The following RNF111 variants were observed in gnomAD, a reference collection of about 807,000 sequenced individuals.
RNF111 encodes E3 ubiquitin-protein ligase Arkadia.
A neutral mutation model predicts 95.1 loss-of-function variants in RNF111; 17 were observed. That is an observed-to-expected ratio of 0.18 (90% confidence interval 0.12 to 0.27). The LOEUF (loss-of-function observed/expected upper bound fraction) is 0.27. Among genes scored for constraint, RNF111 ranks in the 10% least tolerant of loss-of-function variants. The pLI is 1.00. For missense variants in RNF111, 1,189 were observed against 1,210.4 expected (o/e 0.98, Z 0.26); for synonymous variants, 440 against 414.8 (o/e 1.06, Z -0.74).
chr15:59,042,999 A>G (rs1198480940), intron 2 of RNF111, among the ~76,000 whole-genome samples: 1 of 152,132 alleles, frequency 6.6e-6, no homozygotes, highest in Non-Finnish European at 1.5e-5. Context: ...GAGTCCTTGT[A>G]TTCCAGAATA....
At chr15:58,998,726 G>C (rs2039194160) in intron 1 of RNF111, among the ~76,000 whole-genome samples, 2 of 152,164 alleles carry the variant, frequency 1.3e-5, no homozygotes, top group Non-Finnish European at 2.9e-5. Context: ...AAACTTTCAA[G>C]CAAAAATTAG....
intron 3 of RNF111, among the ~76,000 whole-genome samples, chr15:59,054,376 C>G (rs751779995): frequency 6.6e-6 from 1 of 152,146 alleles, no homozygotes; most frequent in Non-Finnish European, 1.5e-5. Flanking sequence ...GTTGCTCCAT[C>G]TAGTACAATA....
intron 2 of RNF111, among the ~76,000 whole-genome samples, chr15:59,048,884 A>G (rs2041835150): frequency 1.3e-5 from 2 of 152,072 alleles, no homozygotes; most frequent in African/African-American, 4.8e-5. Flanking sequence ...TGAGCCTAGG[A>G]GTTCGAGACC....
rs184614961 is a variant in RNF111, at chr15:59,072,886, A to G, written c.1687-3068A>G. Among the ~76,000 whole-genome samples, 617 of 151,590 alleles carry G rather than the reference A, an allele frequency of 4.1e-3. 13 individuals carry two copies. The highest frequency in any genetic ancestry group is 0.035 in the Admixed American group (540 of 15,224). On this transcript the variant is annotated intron_variant, in intron 6 of 13. Coordinates refer to ENST00000348370, the MANE Select transcript of RNF111 (RefSeq NM_017610.8). ...GGCCCTGCAATTTTTTTATTAAAAA[A>G]AAAAAAACAAAACACTTCCAGCTGG...
At chr15:59,069,381 C>T (rs2042809182) in intron 6 of RNF111, among the ~76,000 whole-genome samples, 1 of 152,092 alleles carries the variant, frequency 6.6e-6, no homozygotes, top group Non-Finnish European at 1.5e-5. Context: ...AGAGGTGGGT[C>T]TACCAGCTTT....
intron 1 of RNF111, among the ~76,000 whole-genome samples, chr15:59,019,757 G>T (rs182566527): frequency 6.6e-6 from 1 of 152,054 alleles, no homozygotes; most frequent in Non-Finnish European, 1.5e-5. Context: ...TCAGGAATTC[G>T]AGACCGGCCT....
Position 59,096,007 on chromosome 15 carries a change from C to T in RNF111, c.*1107C>T. ...TCTAAACTTGAAAACAGTAAATCTG[C>T]AGATACTGTGAGGCACAAATTATAC... is the stretch of plus-strand genomic sequence containing the variant. On this transcript the variant is annotated 3_prime_UTR_variant, in exon 14 of 14. Coordinates refer to ENST00000348370, the MANE Select transcript of RNF111 (RefSeq NM_017610.8). 1 of 398,576 alleles carries T rather than the reference C, an allele frequency of 2.5e-6. No homozygotes were observed. The highest frequency in any genetic ancestry group is 4.4e-6 in the Non-Finnish European group (1 of 225,812). 24.7% of individuals were successfully genotyped at this position (398,576 alleles called of 1,614,324 possible).
chr15:58,993,268 G>A (rs2038900315), intron 1 of RNF111, among the ~76,000 whole-genome samples: 1 of 152,142 alleles, frequency 6.6e-6, no homozygotes, highest in South Asian at 2.1e-4. Context: ...CAGAACTTTG[G>A]GAGGCCAAGG....
At chr15:59,086,078 G>A (rs754246288) in intron 10 of RNF111, among the ~76,000 whole-genome samples, 9 of 151,938 alleles carry the variant, frequency 5.9e-5, no homozygotes, top group Non-Finnish European at 1.0e-4. Context: ...TTATTTTGCC[G>A]TAAGTGGTAA....
At chr15:59,038,989 A>C (rs2041316600) in intron 2 of RNF111, among the ~76,000 whole-genome samples, 1 of 152,058 alleles carries the variant, frequency 6.6e-6, no homozygotes, top group South Asian at 2.1e-4. Flanking sequence ...TTTGAGATGG[A>C]GTTTCACTTT....
intron 6 of RNF111, among the ~76,000 whole-genome samples, chr15:59,072,775 T>C (rs971571932): frequency 2.6e-5 from 4 of 152,002 alleles, no homozygotes; most frequent in Non-Finnish European, 5.9e-5. Flanking sequence ...TTTTTCCTAG[T>C]ATCTTTACCT....
intron 1 of RNF111, among the ~76,000 whole-genome samples, chr15:59,010,955 T>C (rs1264178158): frequency 6.6e-6 from 1 of 152,184 alleles, no homozygotes; most frequent in African/African-American, 2.4e-5. Context: ...TGCTCAAAAG[T>C]GTCTGAAGAA....
At chr15:59,057,165 T>C (rs2042232108) in intron 4 of RNF111, among the ~76,000 whole-genome samples, 1 of 152,208 alleles carries the variant, frequency 6.6e-6, no homozygotes, top group African/African-American at 2.4e-5. Context: ...TGACATCTAA[T>C]GGATAGAGAC....
intron 5 of RNF111, chr15:59,058,822 A>G (rs2042309290): frequency 5.2e-6 from 2 of 383,666 alleles, no homozygotes; most frequent in Non-Finnish European, 9.6e-6. Context: ...CAACAAAAGC[A>G]AAAGTAGATA....
At chr15:58,995,850 G>T (rs903057544) in intron 1 of RNF111, among the ~76,000 whole-genome samples, 15 of 119,008 alleles carry the variant, frequency 1.3e-4, no homozygotes, top group Non-Finnish European at 2.0e-4. Flanking sequence ...TCTTTCCTTT[G>T]TCAGTCTTGG....
chr15:59,050,020 G>A (rs1339157954), intron 2 of RNF111, among the ~76,000 whole-genome samples: 1 of 150,270 alleles, frequency 6.7e-6, no homozygotes, highest in Non-Finnish European at 1.5e-5. Context: ...GATTACAGGC[G>A]TGAGCCACCA....
chr15:59,014,156 C>G (rs1444464486), intron 1 of RNF111, among the ~76,000 whole-genome samples: 1 of 152,126 alleles, frequency 6.6e-6, no homozygotes, highest in East Asian at 1.9e-4. Flanking sequence ...ATTTTTCCAG[C>G]TTTGGCCTTT....
rs145184660 is a variant in RNF111 at position 59,074,926 on chromosome 15, A to G, written c.1687-1028A>G. Among the ~76,000 whole-genome samples, 568 of 152,234 alleles carry G rather than the reference A, an allele frequency of 3.7e-3. 4 individuals are homozygous for G. The highest frequency in any genetic ancestry group is 0.014 in the Middle Eastern group (4 of 294). On this transcript the variant is annotated intron_variant, in intron 6 of 13. Transcript: ENST00000348370. ...GAGGCCATTAATTGGCCTAATTTCA[A>G]TGTTGTTGTGTCTCAGGGAATAGGG...
At chr15:58,995,765 T>G (rs1329493088) in intron 1 of RNF111, among the ~76,000 whole-genome samples, 1 of 42,770 alleles carries the variant, frequency 2.3e-5, no homozygotes, top group Non-Finnish European at 4.9e-5. Context: ...TGCCCCGGCC[T>G]TTTTTTTTTT....
Sources: gnomAD v4.1 joint callset for allele counts (sites outside exome capture counted in the v4.1 genomes callset) on GRCh38, gnomAD v4.1.1 for gene constraint, MANE v1.5 for transcripts, NCBI Gene and HGNC (gene_info 2026-07-23, HGNC 2026-07-21) for gene names.